FMO5: variants seen among roughly 807,000 people sequenced by gnomAD.
FMO5 encodes the protein flavin containing dimethylaniline monoxygenase 5.
FMO5 carries 51 observed loss-of-function variants against 43.6 expected under a neutral mutation model. The observed-to-expected ratio is 1.17, with a 90% CI of 0.93 to 1.48. FMO5 has a LOEUF of 1.48. Ranked by LOEUF, FMO5 falls within the 40% of genes most tolerant of loss-of-function variation. The pLI is 0.00. For synonymous variants in FMO5, 187 were observed against 216.5 expected (o/e 0.86, Z 1.20); for missense variants, 644 against 643.0 (o/e 1.00, Z -0.02).
intron 7 of FMO5, among the ~76,000 whole-genome samples, chr1:147,197,260 G>A (rs986154807): frequency 2.0e-5 from 3 of 152,096 alleles, no homozygotes; most frequent in Admixed American, 6.6e-5. Flanking sequence ...TGTCCTTTTA[G>A]TAAATTCCTA....
rs1363159306 is a variant in FMO5, at chr1:147,192,352, C to T, written c.1184-2103G>A. On this transcript the variant is annotated intron_variant, in intron 7 of 8. Coordinates refer to ENST00000254090, the MANE Select transcript of FMO5 (RefSeq NM_001461.4). The stretch of plus-strand genomic sequence containing the variant: ...TATAAGACTGCTTGTGATTTTTGTA[C>T]ATTGATTTTGTATCCTGAGACTTTG... Among the ~76,000 whole-genome samples the T allele has an allele frequency of 2.0e-5, 3 of 152,154 alleles. No individual in the cohort carries two copies. In the East Asian group the frequency reaches 5.8e-4, roughly 29 times the overall value.
chr1:147,199,231 G>GA (rs201035708), intron 7 of FMO5, among the ~76,000 whole-genome samples: 1 of 144,264 alleles, frequency 6.9e-6, no homozygotes, highest in East Asian at 2.0e-4. Flanking sequence ...GGGCAGACAT[G>GA]AAAAAAATGG....
rs1657664058 is a variant in FMO5 at position 147,194,854 on chromosome 1, G to T, written c.1184-4605C>A. Reference sequence around the variant, plus strand: ...ATTGGCCCCCACTCTCTTCTGGCTTGTAGAGTTACTGCCGAGAGATCTGCT... The same window carrying T: ...ATTGGCCCCCACTCTCTTCTGGCTTTTAGAGTTACTGCCGAGAGATCTGCT... On this transcript the variant is annotated intron_variant, in intron 7 of 8. Transcript: ENST00000254090. Among the ~76,000 whole-genome samples the T allele has an allele frequency of 3.9e-5, 6 of 152,202 alleles. 1 individual carries two copies. Among genetic ancestry groups the T allele is most frequent in the East Asian group, 3.9e-4 (2 of 5,184 alleles).
intron 8 of FMO5, among the ~76,000 whole-genome samples, chr1:147,189,701 C>G (rs1304277959): frequency 6.6e-6 from 1 of 152,206 alleles, no homozygotes; most frequent in East Asian, 1.9e-4. Context: ...AGTGACTATT[C>G]ATACCATGAG....
In FMO5 at chr1:147,213,424, C is replaced by T. The variant is rs782794854; in HGVS notation, c.371G>A (p.Gly124Asp). The change falls in exon 4 of 9, where the codon GGC becomes GAC. Residue 124 changes from glycine (G) to aspartate (D), a missense_variant. Coordinates refer to ENST00000254090, the MANE Select transcript of FMO5 (RefSeq NM_001461.4). ...AGATTCAGTGACCACTTCCCATTGG[C>T]CTGAAGTGGCAAAATCAGGCTGCTT... Reference protein sequence around the residue: ...VKKQPDFATSGQWEVVTESEG... With the variant: ...VKKQPDFATSDQWEVVTESEG... The T allele has an allele frequency of 6.2e-7, 1 of 1,612,920 alleles. No individual in the cohort carries two copies. The highest frequency in any genetic ancestry group is 8.5e-7 in the Non-Finnish European group (1 of 1,179,418).
chr1:147,205,034 C>T (rs1571279536), intron 6 of FMO5: 1 of 705,376 alleles, frequency 1.4e-6, no homozygotes, highest in Non-Finnish European at 2.5e-6. Context: ...AGTCACTCTT[C>T]CATCTTTGCT....
At chr1:147,198,623 G>A (rs1307513913) in intron 7 of FMO5, among the ~76,000 whole-genome samples, 1 of 151,898 alleles carries the variant, frequency 6.6e-6, no homozygotes, top group Non-Finnish European at 1.5e-5. Flanking sequence ...GGCTGAGGCA[G>A]GCGGATCACG....
At chr1:147,216,069 T>C in intron 2 of FMO5, 127 bp from the exon 3 acceptor site, 1 of 653,688 alleles carries the variant, frequency 1.5e-6, no homozygotes, top group Non-Finnish European at 2.6e-6. Flanking sequence ...CTTCCAGTAT[T>C]TGTGCCCTTA....
At chr1:147,204,302 C>T in intron 6 of FMO5, 1 of 965,144 alleles carries the variant, frequency 1.0e-6, no homozygotes, top group Non-Finnish European at 1.7e-6. Context: ...GAAGTGATAC[C>T]ACAGCCCAGA....
In FMO5 at chr1:147,208,927, A is replaced by G. The variant is rs782611488; in HGVS notation, c.755T>C (p.Leu252Ser). The G allele has an allele frequency of 9.9e-6, 16 of 1,614,124 alleles. No homozygotes were observed. Among genetic ancestry groups the G allele is most frequent in the Middle Eastern group, 1.6e-4 (1 of 6,062 alleles). The change falls in exon 6 of 9, where the codon TTA becomes TCA. Residue 252 changes from leucine (L) to serine (S), a missense_variant. Leu to Ser is a moderately radical substitution (Grantham distance 145). Coordinates refer to ENST00000254090, the MANE Select transcript of FMO5 (RefSeq NM_001461.4). ...HFIWKICGQS[L>S]ANKYLEKKIN... is the part of the protein sequence containing the mutation. ...CTTTTTTTCCAAATATTTGTTTGCT[A>G]ATGATTGGCCACAGATCTTCCATAT... is the stretch of plus-strand genomic sequence containing the variant.
downstream of FMO5, among the ~76,000 whole-genome samples, chr1:147,185,416 GGTCC>G (rs1210287109): frequency 2.8e-4 from 42 of 152,010 alleles, no homozygotes; most frequent in Non-Finnish European, 5.0e-4. Context: ...AAAAATACTA[GGTCC>G]ATTTTAATAG....
Position 147,209,006 on chromosome 1 carries a change from C to T in FMO5, c.676G>A (p.Gly226Arg), listed in dbSNP as rs1553923128. 6.2e-7 allele frequency: 1 copy of T among 1,614,170 alleles called. No individual in the cohort carries two copies. Among genetic ancestry groups the T allele is most frequent in the Admixed American group, 1.7e-5 (1 of 60,024 alleles). The change falls in exon 6 of 9, where the codon GGG (glycine) becomes AGG (arginine). Residue 226 changes from glycine to arginine, a missense_variant. Coordinates refer to ENST00000254090, the MANE Select transcript of FMO5 (RefSeq NM_001461.4). ...ACATCAGCAGGATATCCGTAGTCCCCTACACGATTCAGGATCCAAGCCCCT... is the reference window on the plus strand; with the variant it reads ...ACATCAGCAGGATATCCGTAGTCCCTTACACGATTCAGGATCCAAGCCCCT... ...RRGAWILNRV[G>R]DYGYPADVLF...
At chr1:147,184,653 A>G, downstream of FMO5, 1 of 1,506,542 alleles carries the variant, frequency 6.6e-7, no homozygotes, top group Non-Finnish European at 8.9e-7. The surrounding 1 kb of genome is among the most constrained non-coding windows in gnomAD (Gnocchi z 4.4). Flanking sequence ...TTTTGAGAGG[A>G]ATACAACAGA....
In FMO5 at chr1:147,215,917, C is replaced by G; in HGVS notation, c.161G>C (p.Ser54Thr). ...ATTGATGATCACTGATTTGTAAATA[C>G]TGGCCCTTCCTTCTTCAGGATTTTC... ...FQENPEEGRASIYKSVIINTS... is the reference protein window; with the variant it reads ...FQENPEEGRATIYKSVIINTS... The change falls in exon 3 of 9, where the codon AGT (serine) becomes ACT (threonine). Residue 54 changes from serine to threonine, a missense_variant. By Grantham distance (58) the Ser-to-Thr change is moderately conservative. Transcript: ENST00000254090. 1 of 1,607,542 alleles carries G rather than the reference C, an allele frequency of 6.2e-7. No homozygotes were observed. Among genetic ancestry groups the G allele is most frequent in the Non-Finnish European group, 8.5e-7 (1 of 1,178,012 alleles).
At chr1:147,212,675 T>G in intron 4 of FMO5, 140 bp from the exon 5 acceptor site, 1 of 787,740 alleles carries the variant, frequency 1.3e-6, no homozygotes, top group Non-Finnish European at 2.0e-6. Flanking sequence ...TTTCTTGCCT[T>G]TCTCAGTATT....
rs587740648 is a variant in FMO5 at position 147,201,331 on chromosome 1, T to A, written c.1004A>T (p.Asp335Val). 3.8e-5 allele frequency: 61 copies of A among 1,614,154 alleles called. No homozygotes were observed. In the South Asian group the frequency reaches 6.5e-4, roughly 17 times the overall value. Residue 335 changes from aspartate to valine, a missense_variant, in exon 7 of 9, where the codon GAC becomes GTC. Asp to Val is a radical substitution (Grantham distance 152). Coordinates refer to ENST00000254090, the MANE Select transcript of FMO5 (RefSeq NM_001461.4). Reference sequence around the variant, plus strand: ...GACGGAATCTTCCAGAAATGGAAAGTCAAAGCTATAGCCTGTGGCAAAGAT... The same window carrying A: ...GACGGAATCTTCCAGAAATGGAAAGACAAAGCTATAGCCTGTGGCAAAGAT... ...AVIFATGYSF[D>V]FPFLEDSVKV...
At chr1:147,194,476 G>A (rs1295641647) in intron 7 of FMO5, among the ~76,000 whole-genome samples, 2 of 152,144 alleles carry the variant, frequency 1.3e-5, no homozygotes, top group Admixed American at 6.5e-5. Context: ...GCCAGTCTGT[G>A]TATTTTAATT....
intron 6 of FMO5, chr1:147,204,543 T>C (rs1390497897): frequency 6.3e-7 from 1 of 1,580,810 alleles, no homozygotes; most frequent in Non-Finnish European, 8.7e-7. Context: ...TTTCATAACC[T>C]TCTATGACCT....
intron 7 of FMO5, among the ~76,000 whole-genome samples, chr1:147,197,992 A>G (rs1357214120): frequency 6.6e-6 from 1 of 152,168 alleles, no homozygotes; most frequent in Non-Finnish European, 1.5e-5. Flanking sequence ...TCTGAATTAG[A>G]GTTCTGTGGT....
Sources: allele counts gnomAD v4.1 joint callset (sites outside exome capture counted in the v4.1 genomes callset), GRCh38; gene constraint gnomAD v4.1.1; non-coding constraint Gnocchi (gnomAD v3.1); transcripts MANE v1.5; gene names NCBI Gene and HGNC (gene_info 2026-07-23, HGNC 2026-07-21).